The following SCRN3 variants were observed in gnomAD, a reference collection of about 807,000 sequenced individuals.
SCRN3 encodes the protein secernin 3.
Under a neutral mutation model 43.1 loss-of-function variants are expected in SCRN3, and 39 were observed. The observed-to-expected ratio is 0.91, with a 90% confidence interval of 0.70 to 1.18. The LOEUF is 1.18. SCRN3 is among the 50% of genes most tolerant of loss of function. SCRN3 has a pLI of 0.00. For synonymous variants in SCRN3, 147 were observed against 163.1 expected, an observed-to-expected ratio of 0.90 and a Z score of 0.75; for missense variants, 484 against 498.0, an observed-to-expected ratio of 0.97 and a Z score of 0.27.
At chr2:174,417,678 C>A (rs1416019225) in intron 5 of SCRN3, among the ~76,000 whole-genome samples, 1 of 152,214 alleles carries the variant, frequency 6.6e-6, no homozygotes, top group Non-Finnish European at 1.5e-5. Flanking sequence ...CAGGCGTCAG[C>A]CGCCGCACCT....
chr2:174,398,470 A>G (rs755641905), intron 2 of SCRN3, 28 bp downstream of exon 2: 1 of 1,556,886 alleles, frequency 6.4e-7, no homozygotes, highest in Non-Finnish European at 8.6e-7. Context: ...TTTGTTAGCA[A>G]TATGCCTTTT....
Position 174,427,695 on chromosome 2 carries a change from A to G in SCRN3, c.1093-18A>G, listed in dbSNP as rs1444356155. ...TGTATATGTATATGTGTTTATCTTT[A>G]TATTTTTAATTGTTTAGGAAAAAGC... On this transcript the variant is annotated intron_variant, in intron 7 of 7. Coordinates refer to ENST00000272732, the MANE Select transcript of SCRN3 (RefSeq NM_024583.5). 3.3e-6 allele frequency: 5 copies of G among 1,527,292 alleles called. No individual in the cohort carries two copies. Among genetic ancestry groups the G allele is most frequent in the South Asian group, 1.2e-5 (1 of 84,282 alleles). 94.6% of individuals were successfully genotyped at this position (1,527,292 alleles called of 1,614,324 possible). A position where few individuals can be genotyped will look rare whatever the true frequency, so the allele number is the denominator to read the frequency against.
At chr2:174,417,402 C>A (rs1045875645) in intron 5 of SCRN3, among the ~76,000 whole-genome samples, 24 of 151,440 alleles carry the variant, frequency 1.6e-4, no homozygotes, top group African/African-American at 5.8e-4. Context: ...TTATATTATT[C>A]TTTTTTTTTG....
At chr2:174,416,141 A>T (rs1037690348) in intron 5 of SCRN3, among the ~76,000 whole-genome samples, 3 of 152,150 alleles carry the variant, frequency 2.0e-5, no homozygotes, top group Non-Finnish European at 4.4e-5. Flanking sequence ...GGTTATGGAG[A>T]TCATGCCCTG....
intron 5 of SCRN3, among the ~76,000 whole-genome samples, chr2:174,420,315 A>G (rs569550373): frequency 4.6e-4 from 70 of 152,316 alleles, no homozygotes; most frequent in African/African-American, 1.6e-3. Flanking sequence ...AGAACAAACA[A>G]GGGATAGACT....
intron 5 of SCRN3, 121 bp downstream of exon 5, chr2:174,404,436 G>A: frequency 1.6e-6 from 1 of 643,114 alleles, no homozygotes; most frequent in Non-Finnish European, 2.5e-6. Context: ...CTATTAAAAT[G>A]AAAAATATTT....
intron 1 of SCRN3, chr2:174,396,101 C>T: frequency 1.9e-6 from 2 of 1,064,160 alleles, no homozygotes; most frequent in South Asian, 4.1e-5. Context: ...CGGCCCTAAC[C>T]GTAGTATGCT....
At chr2:174,414,270 A>G (rs904038509) in intron 5 of SCRN3, among the ~76,000 whole-genome samples, 2 of 152,186 alleles carry the variant, frequency 1.3e-5, no homozygotes, top group Non-Finnish European at 2.9e-5. Flanking sequence ...ATATATTCAC[A>G]TGATTCAAAA....
chr2:174,406,656 G>T (rs28819405), intron 5 of SCRN3, among the ~76,000 whole-genome samples: 10,297 of 120,802 alleles, frequency 0.085, 680 homozygotes, highest in Middle Eastern at 0.18. Flanking sequence ...TTATTGAGAG[G>T]TTTTAGCATG....
rs1685560907 is a variant in SCRN3 at position 174,403,058 on chromosome 2, A to G, written c.542-1045A>G. Reference sequence around the variant, plus strand: ...TATAGAAAGGACTACTATCTGGAATATATAAAGAGCAGTCAAAACTCAGTA... The same window carrying G: ...TATAGAAAGGACTACTATCTGGAATGTATAAAGAGCAGTCAAAACTCAGTA... On this transcript the variant is annotated intron_variant, in intron 4 of 7. Coordinates refer to ENST00000272732, the MANE Select transcript of SCRN3 (RefSeq NM_024583.5). Among the ~76,000 whole-genome samples, 3 of 150,696 alleles carry G rather than the reference A, an allele frequency of 2.0e-5. No homozygotes were observed. The South Asian group carries it at 6.3e-4, about 32-fold the overall frequency.
intron 7 of SCRN3, among the ~76,000 whole-genome samples, chr2:174,425,006 G>A (rs9287973): frequency 0.98 from 149,084 of 152,296 alleles, 73,067 homozygotes; most frequent in East Asian, 1. Flanking sequence ...AGGAGAGTTT[G>A]AGTAACTTGC....
rs1685595592 is a variant in SCRN3, at chr2:174,404,087, T to C, written c.542-16T>C. ...TGACTTTTCTTCTCCTTTCTCCTCTTCTTCTTTGAAAATAGAGGGAGTTCG... is the reference window on the plus strand; with the variant it reads ...TGACTTTTCTTCTCCTTTCTCCTCTCCTTCTTTGAAAATAGAGGGAGTTCG... On this transcript the variant is annotated splice_polypyrimidine_tract_variant and intron_variant, in intron 4 of 7. Transcript: ENST00000272732. 1 of 1,593,914 alleles carries C rather than the reference T, an allele frequency of 6.3e-7. No individual in the cohort carries two copies.
intron 4 of SCRN3, among the ~76,000 whole-genome samples, chr2:174,402,134 A>G (rs1034391870): frequency 6.6e-5 from 10 of 152,188 alleles, no homozygotes; most frequent in Admixed American, 3.9e-4. Context: ...AATATATAAC[A>G]TTGTAGTTAG....
chr2:174,396,055 C>T, intron 1 of SCRN3: 1 of 1,253,272 alleles, frequency 8.0e-7, no homozygotes, highest in Non-Finnish European at 1.0e-6. Flanking sequence ...CTTTTCTGCA[C>T]TGTTTTTCTC....
rs951608344 is a variant in SCRN3 at position 174,428,880 on chromosome 2, A to G, written c.*985A>G. The G allele has an allele frequency of 6.6e-6, 1 of 152,212 alleles. No homozygotes were observed. The allele number at this position is 152,212 out of a possible 1,614,324, so 9.4% of individuals were successfully genotyped here. A position where few individuals can be genotyped will look rare whatever the true frequency, so the allele number is the denominator to read the frequency against. On this transcript the variant is annotated 3_prime_UTR_variant, in exon 8 of 8. Coordinates refer to ENST00000272732, the MANE Select transcript of SCRN3 (RefSeq NM_024583.5). The stretch of plus-strand genomic sequence containing the variant: ...CAAATATAAACAAAAGAAAAATCCA[A>G]CTGAAAATAACACTAAGTATTTTTG...
rs762914471 is a variant in SCRN3 at position 174,401,131 on chromosome 2, G to A, written c.483G>A (p.Arg161=). The A allele has an allele frequency of 6.2e-7, 1 of 1,613,976 alleles. No homozygotes were observed. The highest frequency in any genetic ancestry group is 1.1e-5 in the South Asian group (1 of 91,080). ...SYHNSFLIAD[R]NEAWILETAG... ...ACAACAGTTTCCTGATAGCTGATAG[G>A]AATGAAGCCTGGATTCTGGAGACTG... The change falls in exon 4 of 8, where the codon AGG becomes AGA. Residue 161 remains arginine, a synonymous_variant. Transcript: ENST00000272732.
chr2:174,424,668 T>A lies in SCRN3; in HGVS notation c.1092+19T>A. 6.4e-7 allele frequency: 1 copy of A among 1,574,800 alleles called. No homozygotes were observed. Among genetic ancestry groups the A allele is most frequent in the South Asian group, 1.1e-5 (1 of 87,130 alleles). On this transcript the variant is annotated intron_variant, in intron 7 of 7. Transcript: ENST00000272732. ...TAATGAGGTATGCTAGATTATATTC[T>A]TTGTTATATCATTAAGTGTAAAGTT...
chr2:174,410,896 C>T (rs190406429), intron 5 of SCRN3, among the ~76,000 whole-genome samples: 1 of 152,084 alleles, frequency 6.6e-6, no homozygotes, highest in Non-Finnish European at 1.5e-5. Flanking sequence ...AGAGAGGGCC[C>T]ACACAATCCT....
chr2:174,413,731 C>T (rs1188148058), intron 5 of SCRN3, among the ~76,000 whole-genome samples: 1 of 151,874 alleles, frequency 6.6e-6, no homozygotes, highest in East Asian at 1.9e-4. Context: ...GCTGGGACTA[C>T]AGGCACATGT....
Sources: allele counts gnomAD v4.1 joint callset (sites outside exome capture counted in the v4.1 genomes callset), GRCh38; gene constraint gnomAD v4.1.1; transcripts MANE v1.5; gene names NCBI Gene and HGNC (gene_info 2026-07-23, HGNC 2026-07-21).